The following USP8 variants were observed in gnomAD, a reference collection of about 807,000 sequenced individuals.
USP8 encodes ubiquitin specific peptidase 8.
USP8 carries 27 observed loss-of-function variants against 130.0 expected under a neutral mutation model. The ratio of observed to expected loss-of-function variants is 0.21; its 90% CI spans 0.15 to 0.29. The LOEUF (loss-of-function observed/expected upper bound fraction) is 0.29, where lower values mean the gene tolerates loss of function less well. Ranked by LOEUF, USP8 falls within the 10% of genes least tolerant of loss-of-function variation. USP8 has a pLI of 1.00. For synonymous variants in USP8, 392 were observed against 444.1 expected, an observed-to-expected ratio of 0.88 and a Z score of 1.48; for missense variants, 1,029 against 1,312.2, an observed-to-expected ratio of 0.78 and a Z score of 3.33.
intron 10 of USP8, among the ~76,000 whole-genome samples, chr15:50,480,172 T>G (rs1019103065): frequency 1.3e-5 from 2 of 152,218 alleles, no homozygotes; most frequent in Non-Finnish European, 2.9e-5. Context: ...GTACACAGTA[T>G]TCTCAAGAAA....
chr15:50,445,553 A>AAAAAAAAAAG (rs2050403570), intron 3 of USP8, among the ~76,000 whole-genome samples: 1 of 122,946 alleles, frequency 8.1e-6, no homozygotes, highest in Non-Finnish European at 1.7e-5. Flanking sequence ...CTCAAAAAAA[A>AAAAAAAAAAG]AAAAAAAAAA....
chr15:50,478,295 C>T (rs927057193), intron 10 of USP8, among the ~76,000 whole-genome samples: 5 of 152,110 alleles, frequency 3.3e-5, no homozygotes, highest in Admixed American at 2.0e-4. Context: ...CAAGACATTA[C>T]AAATAAAAAA....
chr15:50,479,990 G>A (rs2051707111), intron 10 of USP8, among the ~76,000 whole-genome samples: 3 of 152,128 alleles, frequency 2.0e-5, no homozygotes, highest in African/African-American at 7.2e-5. Flanking sequence ...CGAACTCCTG[G>A]CCTCAAGTGA....
Position 50,505,125 on chromosome 15 carries a change from A to T in USP8, c.*6037A>T, listed in dbSNP as rs1412014680. 6.6e-6 allele frequency: 1 copy of T among 152,180 alleles called. No homozygotes were observed. Among genetic ancestry groups the T allele is most frequent in the Non-Finnish European group, 1.5e-5 (1 of 68,040 alleles). 9.4% of individuals were successfully genotyped at this position (152,180 alleles called of 1,614,324 possible). On this transcript the variant is annotated 3_prime_UTR_variant, in exon 20 of 20. Coordinates refer to ENST00000307179, the MANE Select transcript of USP8 (RefSeq NM_005154.5). ...TGTCCTGTAGAAGTTCTAGGAGGAG[A>T]GAATCGAGTAGGGGAGCAAGGCAAT...
Position 50,490,399 on chromosome 15 carries a change from C to A in USP8, c.2108C>A (p.Pro703His), listed in dbSNP as rs766783893. Residue 703 changes from proline to histidine, a missense_variant, in exon 14 of 20, where the codon CCT (proline) becomes CAT (histidine). Pro to His is a moderately conservative substitution (Grantham distance 77). This residue lies in a region of USP8 where 486 missense variants were observed against 522.0 expected (regional missense o/e 0.93). Coordinates refer to ENST00000307179, the MANE Select transcript of USP8 (RefSeq NM_005154.5). Reference sequence around the variant, plus strand: ...ACTCATAAAGCCAAGCCACAGATTCCTGCTGAGCGGGATAGGGAACCTTCC... The same window carrying A: ...ACTCATAAAGCCAAGCCACAGATTCATGCTGAGCGGGATAGGGAACCTTCC... ...PPTHKAKPQI[P>H]AERDREPSKL... The A allele has an allele frequency of 3.4e-5, 55 of 1,614,038 alleles. No homozygotes were observed. The highest frequency in any genetic ancestry group is 4.0e-5 in the Non-Finnish European group (47 of 1,180,042).
At chr15:50,477,987 C>T (rs1029000818) in intron 10 of USP8, among the ~76,000 whole-genome samples, 3 of 152,026 alleles carry the variant, frequency 2.0e-5, no homozygotes, top group Non-Finnish European at 4.4e-5. Context: ...TCAGCATTAC[C>T]GCCACGCCTA....
rs903343947 is a variant in USP8 at position 50,472,565 on chromosome 15, C to G, written c.849+770C>G. ...TGAGCAGAGATCGCACCACTGCACT[C>G]CAGCCTGGGAGACAGAGCGAGACTC... On this transcript the variant is annotated intron_variant, in intron 8 of 19. Coordinates refer to ENST00000307179, the MANE Select transcript of USP8 (RefSeq NM_005154.5). Among the ~76,000 whole-genome samples, 126 of 147,900 alleles carry G rather than the reference C, an allele frequency of 8.5e-4. 1 individual carries two copies. Among genetic ancestry groups the G allele is most frequent in the African/African-American group, 3.1e-3 (123 of 39,754 alleles).
At chr15:50,446,988 A>C (rs563779211) in intron 3 of USP8, among the ~76,000 whole-genome samples, 1 of 152,312 alleles carries the variant, frequency 6.6e-6, no homozygotes, top group East Asian at 1.9e-4. Flanking sequence ...ACAAAAATTA[A>C]ATCTTTTGCT....
Position 50,438,998 on chromosome 15 carries a change from A to G in USP8, c.-65-11A>G, listed in dbSNP as rs1229927518. The G allele has an allele frequency of 3.8e-6, 4 of 1,040,270 alleles. No homozygotes were observed. Among genetic ancestry groups the G allele is most frequent in the Non-Finnish European group, 5.7e-6 (4 of 699,758 alleles). The allele number at this position is 1,040,270 out of a possible 1,614,324, so 64.4% of individuals were successfully genotyped here. On this transcript the variant is annotated splice_polypyrimidine_tract_variant and intron_variant, in intron 1 of 19. Coordinates refer to ENST00000307179, the MANE Select transcript of USP8 (RefSeq NM_005154.5). ...GAGGAAAATTAGTATAATTATTTGT[A>G]TTTGTTTCAGGAAAGAAGCACTTGT...
At chr15:50,428,362 C>T (rs113537536) in intron 1 of USP8, among the ~76,000 whole-genome samples, 1,811 of 152,310 alleles carry the variant, frequency 0.012, 38 homozygotes, top group African/African-American at 0.04. Context: ...GGCAATCCAC[C>T]TGCCTCGGCC....
intron 17 of USP8, 166 bp from the exon 18 acceptor site, chr15:50,496,923 T>TGTCTA (rs1489973570): frequency 5.0e-6 from 4 of 802,828 alleles, no homozygotes; most frequent in Non-Finnish European, 7.6e-6. Context: ...ATTGTTCACT[T>TGTCTA]GTCTATGCTT....
intron 17 of USP8, 73 bp from the exon 18 acceptor site, chr15:50,497,016 A>G (rs866257034): frequency 2.6e-6 from 4 of 1,522,792 alleles, no homozygotes; most frequent in Middle Eastern, 4.9e-4. Flanking sequence ...AGAGTGACTA[A>G]CTAAATAGGT....
At chr15:50,464,857 A>G (rs1231062331) in intron 6 of USP8, among the ~76,000 whole-genome samples, 190 bp from the exon 7 acceptor site, 2 of 152,102 alleles carry the variant, frequency 1.3e-5, no homozygotes, top group Non-Finnish European at 2.9e-5. Context: ...CTGTCTCAAG[A>G]AAAAAAACAA....
At position 50,498,606 on chromosome 15, in the gene USP8, G is replaced by C; in HGVS notation, c.3049G>C (p.Asp1017His). The change falls in exon 19 of 20, where the codon GAT (aspartate) becomes CAT (histidine). Residue 1017 changes from aspartate (D) to histidine (H), a missense_variant. By Grantham distance (81) the Asp-to-His change is moderately conservative (BLOSUM62 -1). Transcript: ENST00000307179. Reference sequence around the variant, plus strand: ...TGTTTTGTTCTGCAGTTTTTCCTACGATGGCAGGTGGAAACAAAAATTACA... The same window carrying C: ...TGTTTTGTTCTGCAGTTTTTCCTACCATGGCAGGTGGAAACAAAAATTACA... ...LLVHLKRFSY[D>H]GRWKQKLQTS... The C allele has an allele frequency of 3.1e-6, 5 of 1,606,964 alleles. No individual in the cohort carries two copies. Among genetic ancestry groups the C allele is most frequent in the Non-Finnish European group, 4.2e-6 (5 of 1,177,426 alleles).
chr15:50,490,841 T>C lies in USP8; in HGVS notation c.2234+316T>C, dbSNP rs188130434. Among the ~76,000 whole-genome samples the C allele has an allele frequency of 4.0e-3, 609 of 152,316 alleles. 5 individuals are homozygous for C. Among genetic ancestry groups the C allele is most frequent in the African/African-American group, 0.014 (571 of 41,570 alleles). ...ATAGACCGCCTGTGGTCCCGGAATC[T>C]CCCTTTGAGGACCATAATTTTCAGC... On this transcript the variant is annotated intron_variant, in intron 14 of 19. Coordinates refer to ENST00000307179, the MANE Select transcript of USP8 (RefSeq NM_005154.5).
rs1026397727 is a variant in USP8, at chr15:50,508,182, T to C, written c.*9094T>C. 1.3e-5 allele frequency: 2 copies of C among 151,906 alleles called. No individual in the cohort carries two copies. Among genetic ancestry groups the C allele is most frequent in the African/African-American group, 4.8e-5 (2 of 41,384 alleles). 9.4% of individuals were successfully genotyped at this position (151,906 alleles called of 1,614,324 possible). On this transcript the variant is annotated 3_prime_UTR_variant, in exon 20 of 20. Coordinates refer to ENST00000307179, the MANE Select transcript of USP8 (RefSeq NM_005154.5). ...TACCCCCACAAAAAATCAATACTTTTGGAAATTAAAAAAACACTTCTAAGT... is the reference window on the plus strand; with the variant it reads ...TACCCCCACAAAAAATCAATACTTTCGGAAATTAAAAAAACACTTCTAAGT...
intron 2 of USP8, among the ~76,000 whole-genome samples, chr15:50,440,647 C>T (rs1333838397): frequency 6.6e-6 from 1 of 152,080 alleles, no homozygotes; most frequent in African/African-American, 2.4e-5. Context: ...GCAACTGGAC[C>T]ATCACATCTG....
intron 14 of USP8, among the ~76,000 whole-genome samples, chr15:50,491,300 CTAAG>C (rs1327906405): frequency 6.6e-6 from 1 of 152,106 alleles, no homozygotes; most frequent in East Asian, 1.9e-4. Context: ...AAGCCTAATC[CTAAG>C]TAAGTTGAAC....
intron 2 of USP8, 70 bp from the exon 3 acceptor site, chr15:50,441,279 C>T: frequency 7.1e-7 from 1 of 1,407,084 alleles, no homozygotes; most frequent in African/African-American, 1.5e-5. Context: ...TATCTGTGGA[C>T]TTTGTATATG....
Sources: allele counts gnomAD v4.1 joint callset (sites outside exome capture counted in the v4.1 genomes callset), GRCh38; gene constraint gnomAD v4.1.1; regional missense constraint gnomAD v4.1.1; transcripts MANE v1.5; gene names NCBI Gene and HGNC (gene_info 2026-07-23, HGNC 2026-07-21).